RELN: variants seen among roughly 807,000 people sequenced by gnomAD.
RELN encodes reelin.
Under a neutral mutation model 427.6 loss-of-function variants are expected in RELN, and 108 were observed. The ratio of observed to expected loss-of-function variants is 0.25; its 90% CI spans 0.22 to 0.30. The LOEUF (loss-of-function observed/expected upper bound fraction) is 0.30, where lower values mean the gene tolerates loss of function less well. Ranked by LOEUF, RELN falls within the 10% of genes least tolerant of loss-of-function variation. The probability of loss-of-function intolerance (pLI) is 1.00; values close to 1 mark genes in which losing one functional copy is unlikely to be tolerated. For missense variants in RELN, 3,715 were observed against 4,302.8 expected (o/e 0.86, Z 3.82); for synonymous variants, 1,524 against 1,513.4 (o/e 1.01, Z -0.16).
intron 6 of RELN, among the ~76,000 whole-genome samples, chr7:103,742,290 G>T (rs619438): frequency 0.065 from 9,878 of 152,050 alleles, 380 homozygotes; most frequent in Middle Eastern, 0.22. Flanking sequence ...AAAGACCAAA[G>T]GTAGCTAAAA....
intron 2 of RELN, among the ~76,000 whole-genome samples, chr7:103,897,705 C>A (rs2116609826): frequency 6.6e-6 from 1 of 152,150 alleles, no homozygotes; most frequent in South Asian, 2.1e-4. Flanking sequence ...TAGAATTCTG[C>A]ACACAGACTC....
intron 63 of RELN, among the ~76,000 whole-genome samples, chr7:103,479,385 A>G (rs939983760): frequency 3.3e-5 from 5 of 152,236 alleles, no homozygotes; most frequent in Admixed American, 2.6e-4. Context: ...TTGATTGTCA[A>G]TGATCGTGTT....
intron 20 of RELN, among the ~76,000 whole-genome samples, chr7:103,625,894 T>C (rs1832319831): frequency 6.6e-6 from 1 of 152,084 alleles, no homozygotes; most frequent in African/African-American, 2.4e-5. Flanking sequence ...GCAAGACTGG[T>C]GTTCTCACTC....
chr7:103,505,376 G>A (rs1429621400), intron 51 of RELN, among the ~76,000 whole-genome samples: 1 of 152,158 alleles, frequency 6.6e-6, no homozygotes, highest in African/African-American at 2.4e-5. Flanking sequence ...GAAGGAACAG[G>A]CAGCAATCTT....
chr7:103,565,393 C>T lies in RELN; in HGVS notation c.5095G>A (p.Glu1699Lys), dbSNP rs147657490. 708 of 1,613,916 alleles carry T rather than the reference C, an allele frequency of 4.4e-4. 2 individuals are homozygous for T. The highest frequency in any genetic ancestry group is 5.4e-4 in the Non-Finnish European group (634 of 1,179,990). Residue 1699 changes from glutamate (E) to lysine (K), a missense_variant, in exon 34 of 65, where the codon GAA becomes AAA. Glu to Lys is a moderately conservative substitution (Grantham distance 56, BLOSUM62 1). Around this residue, in one of 4 missense-constraint regions of RELN, gnomAD observed 2,208 missense variants for 2,361.7 expected, o/e 0.93. Coordinates refer to ENST00000428762, the MANE Select transcript of RELN (RefSeq NM_005045.4). ...NNGKDWHLVT[E>K]ECVPPTIGCL... ...CCAATGGTTGGAGGAACACACTCTT[C>T]GGTGACAAGATGCCAGTCCTTGCCA...
At chr7:103,761,159 C>A (rs1428481422) in intron 4 of RELN, among the ~76,000 whole-genome samples, 1 of 152,140 alleles carries the variant, frequency 6.6e-6, no homozygotes, top group Non-Finnish European at 1.5e-5. Context: ...AATTTATCAT[C>A]TTTCATATTC....
intron 8 of RELN, among the ~76,000 whole-genome samples, chr7:103,702,631 A>G (rs1313716848): frequency 1.3e-5 from 2 of 152,180 alleles, no homozygotes. Flanking sequence ...TTATGCATCT[A>G]GAAAACAAAA....
intron 12 of RELN, among the ~76,000 whole-genome samples, chr7:103,656,674 G>T (rs1052750406): frequency 6.6e-6 from 1 of 151,990 alleles, no homozygotes; most frequent in African/African-American, 2.4e-5. Context: ...GAAATTTGTG[G>T]GTTTTTGTTT....
At chr7:103,571,745 G>A (rs1214138671) in intron 31 of RELN, among the ~76,000 whole-genome samples, 1 of 152,186 alleles carries the variant, frequency 6.6e-6, no homozygotes, top group Non-Finnish European at 1.5e-5. Flanking sequence ...GCCAAGAACT[G>A]CTCCTCCTAC....
chr7:103,508,261 T>C (rs2117054325), intron 51 of RELN, among the ~76,000 whole-genome samples: 1 of 152,336 alleles, frequency 6.6e-6, no homozygotes, highest in South Asian at 2.1e-4. Flanking sequence ...ATATCCCTTA[T>C]GAATATTGAT....
Position 103,635,590 on chromosome 7 carries a change from G to T in RELN, c.2304-4C>A. ...TCTCAGTGTGAACTGGAGAAACCTA[G>T]ACAGAAATTGTCTATAATTAGTGTA... On this transcript the variant is annotated splice_region_variant and splice_polypyrimidine_tract_variant and intron_variant, in intron 18 of 64. Coordinates refer to ENST00000428762, the MANE Select transcript of RELN (RefSeq NM_005045.4). 6.2e-7 allele frequency: 1 copy of T among 1,612,522 alleles called. No homozygotes were observed. Among genetic ancestry groups the T allele is most frequent in the Non-Finnish European group, 8.5e-7 (1 of 1,178,716 alleles).
intron 1 of RELN, among the ~76,000 whole-genome samples, chr7:103,959,880 A>G (rs1194352262): frequency 1.3e-5 from 2 of 152,130 alleles, no homozygotes; most frequent in Non-Finnish European, 2.9e-5. Context: ...GAATACAGGC[A>G]TGAGCCACTG....
chr7:103,565,388 C>G lies in RELN; in HGVS notation c.5100G>C (p.Glu1700Asp). The change falls in exon 34 of 65, where the codon GAG (glutamate) becomes GAC (aspartate). Residue 1700 changes from glutamate to aspartate, a missense_variant. This residue lies in a region of RELN where 2,208 missense variants were observed against 2,361.7 expected (regional missense o/e 0.93). Coordinates refer to ENST00000428762, the MANE Select transcript of RELN (RefSeq NM_005045.4). ...NGKDWHLVTE[E>D]CVPPTIGCLH... Reference sequence around the variant, plus strand: ...GACAGCCAATGGTTGGAGGAACACACTCTTCGGTGACAAGATGCCAGTCCT... The same window carrying G: ...GACAGCCAATGGTTGGAGGAACACAGTCTTCGGTGACAAGATGCCAGTCCT... 1.2e-6 allele frequency: 2 copies of G among 1,614,098 alleles called. No individual in the cohort carries two copies. Among genetic ancestry groups the G allele is most frequent in the Non-Finnish European group, 1.7e-6 (2 of 1,180,014 alleles).
At chr7:103,943,104 C>T (rs550647233) in intron 1 of RELN, among the ~76,000 whole-genome samples, 26 of 152,218 alleles carry the variant, frequency 1.7e-4, no homozygotes, top group Non-Finnish European at 3.4e-4. Context: ...TGACTTTCTT[C>T]TAAATTGAAT....
chr7:103,648,590 G>C (rs1189276073), intron 16 of RELN, among the ~76,000 whole-genome samples: 3 of 152,018 alleles, frequency 2.0e-5, no homozygotes, highest in Non-Finnish European at 4.4e-5. Flanking sequence ...AAAGACAAAG[G>C]GGCTTCAATT....
rs148999469 is a variant in RELN, at chr7:103,924,698, C to T, written c.227-7513G>A. Among the ~76,000 whole-genome samples the T allele has an allele frequency of 2.4e-3, 358 of 152,184 alleles. 2 individuals are homozygous for T. The highest frequency in any genetic ancestry group is 8.1e-3 in the African/African-American group (338 of 41,526). ...GATTCAGAGATTCAGATGAACCACA[C>T]GTAGCCTCTAAGTCTTATTTTCTGG... On this transcript the variant is annotated intron_variant, in intron 1 of 64. Coordinates refer to ENST00000428762, the MANE Select transcript of RELN (RefSeq NM_005045.4).
intron 4 of RELN, among the ~76,000 whole-genome samples, chr7:103,774,013 C>T (rs79710199): frequency 0.047 from 7,140 of 151,946 alleles, 600 homozygotes; most frequent in African/African-American, 0.16. Context: ...TAATGACTTT[C>T]GGTAGGGTGC....
chr7:103,865,132 C>CAA (rs386410871), intron 2 of RELN, among the ~76,000 whole-genome samples: 1,473 of 66,234 alleles, frequency 0.022, 29 homozygotes, highest in East Asian at 0.064. Context: ...GAAACTGTCT[C>CAA]AAAAAAAAAA....
In RELN at chr7:103,640,587, G is replaced by A; in HGVS notation, c.2025C>T (p.Leu675=). The change falls in exon 17 of 65, where the codon CTC becomes CTT. Residue 675 remains leucine (L), a synonymous_variant. Coordinates refer to ENST00000428762, the MANE Select transcript of RELN (RefSeq NM_005045.4). The surrounding 1 kb of genome is among the most constrained non-coding windows in gnomAD (Gnocchi z 4.1). ...ACTGTCCTCTGCCAGAACAGAATTT[G>A]AGACATGACGGGCCAATATAAACTG... ...IDNVYIGPSC[L]KFCSGRGQCT... 1 of 1,613,822 alleles carries A rather than the reference G, an allele frequency of 6.2e-7. No homozygotes were observed. The highest frequency in any genetic ancestry group is 8.5e-7 in the Non-Finnish European group (1 of 1,179,892).
Sources: gnomAD v4.1 joint callset for allele counts (sites outside exome capture counted in the v4.1 genomes callset) on GRCh38, gnomAD v4.1.1 for gene constraint, gnomAD v4.1.1 regional missense constraint, Gnocchi (gnomAD v3.1) non-coding constraint, MANE v1.5 for transcripts, NCBI Gene and HGNC (gene_info 2026-07-23, HGNC 2026-07-21) for gene names.